PKIB: variants seen among roughly 807,000 people sequenced by gnomAD.
PKIB encodes cAMP-dependent protein kinase inhibitor beta.
Under a neutral mutation model 4.5 loss-of-function variants are expected in PKIB, and 2 were observed. That is an observed-to-expected ratio of 0.44 (90% CI 0.18 to 1.39). PKIB has a LOEUF of 1.39. Ranked by LOEUF, PKIB falls within the 40% of genes most tolerant of loss-of-function variation. PKIB has a pLI of 0.27. For missense variants in PKIB, 94 were observed against 92.6 expected, an observed-to-expected ratio of 1.02 and a Z score of -0.06; for synonymous variants, 38 against 36.0, an observed-to-expected ratio of 1.06 and a Z score of -0.20.
At chr6:122,551,692 TC>T (rs931686354) in intron 2 of PKIB, among the ~76,000 whole-genome samples, 5 of 152,068 alleles carry the variant, frequency 3.3e-5, no homozygotes, top group Admixed American at 3.3e-4. Context: ...GTCTCAGCAT[TC>T]AGTATTCAAT....
intron 2 of PKIB, chr6:122,480,173 G>C (rs1775569421): frequency 6.6e-6 from 1 of 152,088 alleles, no homozygotes; most frequent in Admixed American, 6.6e-5. Flanking sequence ...CTCCTGAGTA[G>C]CTGGGACTAC....
intron 2 of PKIB, among the ~76,000 whole-genome samples, chr6:122,548,398 T>C (rs1039498988): frequency 1.3e-5 from 2 of 152,126 alleles, no homozygotes; most frequent in Non-Finnish European, 2.9e-5. Flanking sequence ...TTAGCAAATA[T>C]TAAATCTGAT....
Position 122,561,994 on chromosome 6 carries a change from G to GTTTTTTTTTTTTTTTTTTTTTTTTTTT in PKIB, c.-247-23918_-247-23917insTTTTTTTTTTTTTTTTTTTTTTTTTTT. Among the ~76,000 whole-genome samples the GTTTTTTTTTTTTTTTTTTTTTTTTTTT allele has an allele frequency of 1.2e-3, 49 of 40,902 alleles. 5 individuals carry two copies. The highest frequency in any genetic ancestry group is 1.8e-3 in the Admixed American group (5 of 2,716). 26.8% of individuals were successfully genotyped at this position (40,902 alleles called of 152,430 possible). On this transcript the variant is annotated intron_variant, in intron 2 of 6. Transcript: ENST00000392491. ...GCATAGTTTTTTTTTGTTTGTTTTT[G>GTTTTTTTTTTTTTTTTTTTTTTTTTTT]TTTTTTTTTGTTTTTTTTTTTTTTT...
At chr6:122,480,589 G>T (rs1484896260) in intron 2 of PKIB, 3 of 152,126 alleles carry the variant, frequency 2.0e-5, no homozygotes, top group Non-Finnish European at 4.4e-5. Context: ...TAGTAATAGT[G>T]ATCCTGGAAA....
At chr6:122,611,860 C>G (rs1582736673) in intron 1 of PKIB, among the ~76,000 whole-genome samples, 1 of 152,264 alleles carries the variant, frequency 6.6e-6, no homozygotes, top group East Asian at 1.9e-4. Context: ...GGGTGCTGGT[C>G]AATGCCCCCC....
At chr6:122,702,784 T>C (rs1013435307) in intron 3 of PKIB, among the ~76,000 whole-genome samples, 2 of 152,176 alleles carry the variant, frequency 1.3e-5, no homozygotes, top group Non-Finnish European at 2.9e-5. Context: ...TTTCACTATT[T>C]GAGAAGAATA....
At chr6:122,524,304 TTC>T (rs1351208493) in intron 2 of PKIB, among the ~76,000 whole-genome samples, 1 of 149,538 alleles carries the variant, frequency 6.7e-6, no homozygotes, top group Non-Finnish European at 1.5e-5. Flanking sequence ...CTCATCCTCT[TTC>T]TTTTTCTTTT....
chr6:122,691,947 G>C (rs901618432), intron 3 of PKIB, among the ~76,000 whole-genome samples: 1 of 152,178 alleles, frequency 6.6e-6, no homozygotes, highest in African/African-American at 2.4e-5. Flanking sequence ...GGCTTGTAGA[G>C]GTACCACATT....
intron 3 of PKIB, among the ~76,000 whole-genome samples, chr6:122,698,811 A>G (rs888593371): frequency 6.6e-6 from 1 of 152,176 alleles, no homozygotes; most frequent in African/African-American, 2.4e-5. Context: ...AAAAAAGACT[A>G]AAAGATGTTG....
intron 2 of PKIB, among the ~76,000 whole-genome samples, chr6:122,648,938 A>T (rs1011582399): frequency 5.9e-5 from 9 of 152,196 alleles, no homozygotes; most frequent in African/African-American, 2.2e-4. Context: ...GAGCCCACGC[A>T]TAACCTTCAT....
At chr6:122,541,739 G>A (rs1407685568) in intron 2 of PKIB, among the ~76,000 whole-genome samples, 1 of 151,986 alleles carries the variant, frequency 6.6e-6, no homozygotes, top group Non-Finnish European at 1.5e-5. Context: ...TGCCTTGCTA[G>A]ATTGGGGACG....
In PKIB at chr6:122,507,670, T is replaced by A. The variant is rs537194746; in HGVS notation, c.-248+29731T>A. On this transcript the variant is annotated intron_variant, in intron 2 of 6. Transcript: ENST00000392491. Reference sequence around the variant, plus strand: ...GGGGGTGGAAATCTTGGCTTAAAAATTTTTTTTTTTTTTTGGAATTTTGTT... The same window carrying A: ...GGGGGTGGAAATCTTGGCTTAAAAAATTTTTTTTTTTTTTGGAATTTTGTT... Among the ~76,000 whole-genome samples, 17 of 118,026 alleles carry A rather than the reference T, an allele frequency of 1.4e-4. No homozygotes were observed. The South Asian group carries it at 2.9e-3, about 20-fold the overall frequency. 77.4% of individuals were successfully genotyped at this position (118,026 alleles called of 152,430 possible). A position where few individuals can be genotyped will look rare whatever the true frequency, so the allele number is the denominator to read the frequency against.
chr6:122,607,068 C>A (rs1323819772), upstream of PKIB, among the ~76,000 whole-genome samples: 1 of 150,094 alleles, frequency 6.7e-6, no homozygotes, highest in Non-Finnish European at 1.5e-5. Context: ...AAATGCAAGT[C>A]CCCTTGGTAA....
intron 2 of PKIB, among the ~76,000 whole-genome samples, chr6:122,503,486 C>T (rs1356475240): frequency 3.3e-5 from 5 of 152,140 alleles, no homozygotes; most frequent in Admixed American, 2.0e-4. Context: ...TATATTTCAG[C>T]GTGACTGAGT....
intron 3 of PKIB, among the ~76,000 whole-genome samples, chr6:122,688,864 T>A (rs1374193671): frequency 6.6e-6 from 1 of 151,008 alleles, no homozygotes; most frequent in Non-Finnish European, 1.5e-5. Flanking sequence ...CACTGCAAGC[T>A]CCGCCTCCCG....
intron 2 of PKIB, among the ~76,000 whole-genome samples, chr6:122,525,059 A>AT (rs34629407): frequency 2.9e-4 from 42 of 147,270 alleles, no homozygotes; most frequent in Admixed American, 1.4e-3. Flanking sequence ...TAGGTTGTTA[A>AT]TTTTTTTTTT....
intron 3 of PKIB, among the ~76,000 whole-genome samples, chr6:122,703,531 G>A (rs965789676): frequency 1.3e-5 from 2 of 151,906 alleles, no homozygotes; most frequent in African/African-American, 4.8e-5. Context: ...ATAAGATACT[G>A]TAATACAATG....
At chr6:122,472,566 G>A (rs1421303116) in intron 1 of PKIB, among the ~76,000 whole-genome samples, 1 of 152,124 alleles carries the variant, frequency 6.6e-6, no homozygotes, top group African/African-American at 2.4e-5. Flanking sequence ...TTTTTTTAGA[G>A]TTATTTGTTC....
intron 2 of PKIB, among the ~76,000 whole-genome samples, chr6:122,499,386 C>T (rs1397048310): frequency 6.6e-6 from 1 of 152,058 alleles, no homozygotes; most frequent in East Asian, 1.9e-4. Flanking sequence ...TTATTCCTAG[C>T]AGTCAGGGTT....
Sources: gnomAD v4.1 joint callset for allele counts (sites outside exome capture counted in the v4.1 genomes callset) on GRCh38, gnomAD v4.1.1 for gene constraint, MANE v1.5 for transcripts, NCBI Gene and HGNC (gene_info 2026-07-23, HGNC 2026-07-21) for gene names.